The following AFG2A variants were observed in gnomAD, a reference collection of about 807,000 sequenced individuals.
AFG2A encodes ATPase family gene 2 protein homolog A.
At chr4:123,063,471 G>A in the AFG2A span, among the ~76,000 whole-genome samples, 1 of 152,160 alleles carries the variant, frequency 6.6e-6, no homozygotes, top group Non-Finnish European at 1.5e-5. Flanking sequence ...TCTGGGCTGG[G>A]CACAGTGGCT....
At chr4:123,129,455 C>G in the AFG2A span, among the ~76,000 whole-genome samples, 26,983 of 152,016 alleles carry the variant, frequency 0.18, 2,808 homozygotes, top group East Asian at 0.46. Context: ...AATATATTCT[C>G]TATTTTGAGG....
the AFG2A span, among the ~76,000 whole-genome samples, chr4:123,241,198 T>G: frequency 5.9e-5 from 9 of 152,238 alleles, no homozygotes; most frequent in African/African-American, 2.2e-4. Flanking sequence ...AATTCTACCA[T>G]AGGTACAAAG....
the AFG2A span, among the ~76,000 whole-genome samples, chr4:122,966,953 C>T: frequency 3.4e-3 from 514 of 152,044 alleles, 3 homozygotes; most frequent in Middle Eastern, 0.014. Context: ...AAAGAGTGCC[C>T]ATGAAAGAGT....
chr4:122,958,127 T>TAA, the AFG2A span, among the ~76,000 whole-genome samples: 1 of 152,206 alleles, frequency 6.6e-6, no homozygotes, highest in African/African-American at 2.4e-5. Flanking sequence ...AACTCTGAAG[T>TAA]GGTTATTCCT....
At chr4:123,009,250 T>C in the AFG2A span, among the ~76,000 whole-genome samples, 800 of 152,290 alleles carry the variant, frequency 5.3e-3, 7 homozygotes, top group African/African-American at 0.018. Context: ...ACAGAGAAGT[T>C]CACTTGAGCC....
chr4:123,034,375 C>G, the AFG2A span, among the ~76,000 whole-genome samples: 1 of 151,844 alleles, frequency 6.6e-6, no homozygotes, highest in Non-Finnish European at 1.5e-5. Flanking sequence ...CTCATAACCC[C>G]TCTCCAACCA....
chr4:123,020,732 A>C, the AFG2A span, among the ~76,000 whole-genome samples: 1 of 152,164 alleles, frequency 6.6e-6, no homozygotes, highest in Non-Finnish European at 1.5e-5. Flanking sequence ...TCCATTCTTT[A>C]AGTATTCTAT....
At chr4:122,995,881 A>T in the AFG2A span, among the ~76,000 whole-genome samples, 3 of 152,200 alleles carry the variant, frequency 2.0e-5, no homozygotes, top group African/African-American at 7.2e-5. Context: ...TAATTCGCAT[A>T]AAGACTAGTA....
At chr4:123,301,697 C>A in the AFG2A span, among the ~76,000 whole-genome samples, 2 of 152,204 alleles carry the variant, frequency 1.3e-5, no homozygotes, top group Non-Finnish European at 2.9e-5. Context: ...TCTTCATCTG[C>A]CCCTTAGCTA....
chr4:122,973,153 GTCTGGTGATGCC>G, the AFG2A span, among the ~76,000 whole-genome samples: 2 of 152,104 alleles, frequency 1.3e-5, no homozygotes, highest in Non-Finnish European at 2.9e-5. Context: ...TACCCCGAGT[GTCTGGTGATGCC>G]TCTTACTTAA....
At chr4:122,951,121 T>C in the AFG2A span, among the ~76,000 whole-genome samples, 294 of 152,306 alleles carry the variant, frequency 1.9e-3, no homozygotes, top group African/African-American at 5.7e-3. Context: ...TAGATCATTT[T>C]ATGCATCCCC....
At chr4:123,271,386 T>A in the AFG2A span, among the ~76,000 whole-genome samples, 429 of 152,280 alleles carry the variant, frequency 2.8e-3, 1 homozygote, top group African/African-American at 9.8e-3. Context: ...ATCAATCTGT[T>A]GGGGTTTTTT....
the AFG2A span, among the ~76,000 whole-genome samples, chr4:123,273,078 A>G: frequency 9.2e-5 from 14 of 152,324 alleles, no homozygotes; most frequent in South Asian, 2.7e-3. Flanking sequence ...GAAAGAAGTA[A>G]GAATGATTGT....
chr4:123,144,237 G>A, the AFG2A span, among the ~76,000 whole-genome samples: 4 of 152,006 alleles, frequency 2.6e-5, no homozygotes, highest in African/African-American at 9.7e-5. Context: ...TGAAAAGAGC[G>A]TGTTCTCATT....
the AFG2A span, among the ~76,000 whole-genome samples, chr4:123,291,689 A>G: frequency 6.6e-6 from 1 of 152,232 alleles, no homozygotes; most frequent in African/African-American, 2.4e-5. Flanking sequence ...TAGGACACCA[A>G]TCTTTTCTGG....
the AFG2A span, among the ~76,000 whole-genome samples, chr4:122,939,633 AT>A: frequency 0.02 from 2,948 of 147,294 alleles, 83 homozygotes; most frequent in African/African-American, 0.061. Context: ...GTCATTTAGA[AT>A]TTTTTTTTTT....
At chr4:122,939,600 C>G in the AFG2A span, among the ~76,000 whole-genome samples, 6 of 151,684 alleles carry the variant, frequency 4.0e-5, no homozygotes, top group Non-Finnish European at 7.4e-5. Context: ...AGTATCAAGC[C>G]TCTTTTGCAC....
the AFG2A span, among the ~76,000 whole-genome samples, chr4:123,159,221 T>C: frequency 6.6e-6 from 1 of 152,178 alleles, no homozygotes; most frequent in Non-Finnish European, 1.5e-5. Context: ...ATTATTTCGT[T>C]TTCTTTTGTA....
At chr4:123,251,668 T>C in the AFG2A span, among the ~76,000 whole-genome samples, 1 of 152,122 alleles carries the variant, frequency 6.6e-6, no homozygotes, top group South Asian at 2.1e-4. Flanking sequence ...CATTTTCAAT[T>C]TTTTAAATAT....
Sources: allele counts gnomAD v4.1 joint callset (sites outside exome capture counted in the v4.1 genomes callset), GRCh38; gene constraint gnomAD v4.1.1; transcripts MANE v1.5; gene names NCBI Gene and HGNC (gene_info 2026-07-23, HGNC 2026-07-21).